The following TMEM117 variants were observed in gnomAD, a reference collection of about 807,000 sequenced individuals.
TMEM117 encodes transmembrane protein 117.
In TMEM117, 27 loss-of-function variants were observed where a neutral mutation model predicts 52.4. The ratio of observed to expected loss-of-function variants is 0.51; its 90% CI spans 0.38 to 0.71. The LOEUF is 0.71. Ranked by LOEUF, TMEM117 falls within the 30% of genes least tolerant of loss-of-function variation. TMEM117 has a pLI of 0.00. For missense variants in TMEM117, 556 were observed against 630.5 expected, an observed-to-expected ratio of 0.88 and a Z score of 1.26; for synonymous variants, 215 against 206.3, an observed-to-expected ratio of 1.04 and a Z score of -0.36.
At chr12:44,131,872 C>CT (rs1948419001) in intron 3 of TMEM117, among the ~76,000 whole-genome samples, 1 of 152,074 alleles carries the variant, frequency 6.6e-6, no homozygotes, top group African/African-American at 2.4e-5. Context: ...TGAATTTTTA[C>CT]TTTGCAGGTC....
chr12:44,276,568 A>T (rs999353957), intron 5 of TMEM117, among the ~76,000 whole-genome samples: 1 of 152,090 alleles, frequency 6.6e-6, no homozygotes, highest in African/African-American at 2.4e-5. Flanking sequence ...GATCTACTGT[A>T]TACCATGGTA....
intron 2 of TMEM117, among the ~76,000 whole-genome samples, chr12:43,906,622 A>G (rs1944393718): frequency 6.6e-6 from 1 of 152,234 alleles, no homozygotes; most frequent in Admixed American, 6.5e-5. Context: ...CAGTGGGCGC[A>G]GGTCAGTGGG....
At chr12:44,263,233 CA>C (rs927680510) in intron 5 of TMEM117, among the ~76,000 whole-genome samples, 3 of 151,468 alleles carry the variant, frequency 2.0e-5, no homozygotes, top group African/African-American at 7.3e-5. Flanking sequence ...TTAATGTGGT[CA>C]AAAAACATAT....
chr12:44,015,952 C>CA (rs1946367231), intron 3 of TMEM117, among the ~76,000 whole-genome samples: 1 of 152,076 alleles, frequency 6.6e-6, no homozygotes, highest in African/African-American at 2.4e-5. Flanking sequence ...GGCTTAATTA[C>CA]AAAAACCCAC....
rs565793455 is a variant in TMEM117 at position 44,072,216 on chromosome 12, A to C, written c.411-71309A>C. On this transcript the variant is annotated intron_variant, in intron 3 of 7. Coordinates refer to ENST00000266534, the MANE Select transcript of TMEM117 (RefSeq NM_032256.3). The stretch of plus-strand genomic sequence containing the variant: ...TTCTTGGTAATAATAGAGAAACAAC[A>C]AAAAAAAAAATTAAGAGGCAACATA... Among the ~76,000 whole-genome samples, 61 of 123,328 alleles carry C rather than the reference A, an allele frequency of 4.9e-4. 1 individual carries two copies. In the South Asian group the frequency reaches 0.015, roughly 31 times the overall value. The allele number at this position is 123,328 out of a possible 152,430, so 80.9% of individuals were successfully genotyped here.
intron 3 of TMEM117, among the ~76,000 whole-genome samples, chr12:44,137,476 C>G (rs369224237): frequency 1.8e-4 from 28 of 152,116 alleles, no homozygotes; most frequent in African/African-American, 6.3e-4. Flanking sequence ...AATGAAGATG[C>G]CTTGCAGAGT....
At chr12:43,872,222 C>G (rs1316987327) in intron 2 of TMEM117, among the ~76,000 whole-genome samples, 1 of 152,220 alleles carries the variant, frequency 6.6e-6, no homozygotes, top group East Asian at 1.9e-4. Context: ...ATCTTCAGAA[C>G]TACCTGCTAC....
At chr12:43,936,106 T>C (rs1247329102) in intron 2 of TMEM117, among the ~76,000 whole-genome samples, 2 of 152,140 alleles carry the variant, frequency 1.3e-5, no homozygotes, top group Non-Finnish European at 2.9e-5. Context: ...GGTGACTTGA[T>C]TTGACCACAT....
At chr12:43,864,278 G>A (rs764370470) in intron 2 of TMEM117, among the ~76,000 whole-genome samples, 1 of 152,260 alleles carries the variant, frequency 6.6e-6, no homozygotes, top group Non-Finnish European at 1.5e-5. Flanking sequence ...GGGCTGAGGA[G>A]TGCAGGCACA....
At chr12:43,843,394 G>T (rs552415185) in intron 1 of TMEM117, among the ~76,000 whole-genome samples, 1 of 152,284 alleles carries the variant, frequency 6.6e-6, no homozygotes, top group East Asian at 1.9e-4. Flanking sequence ...ACAAGCCCTG[G>T]TGGACCCAGA....
Position 44,211,284 on chromosome 12 carries a change from C to G in TMEM117, c.511-6C>G, listed in dbSNP as rs1949642013. On this transcript the variant is annotated splice_polypyrimidine_tract_variant and splice_region_variant and intron_variant, in intron 4 of 7. Transcript: ENST00000266534. ...AGTGCTGAATAAGTTCCTTTCATTG[C>G]TTCAGGTCACTGATATGATGCTTCA... The G allele has an allele frequency of 1.9e-6, 3 of 1,598,884 alleles. No individual in the cohort carries two copies. The South Asian group carries it at 3.3e-5, about 18-fold the overall frequency.
At chr12:43,982,837 T>C (rs1306006860) in intron 3 of TMEM117, among the ~76,000 whole-genome samples, 2 of 152,192 alleles carry the variant, frequency 1.3e-5, no homozygotes, top group Non-Finnish European at 2.9e-5. Flanking sequence ...ATCAAAGACT[T>C]GAGCTATACA....
At chr12:43,928,368 A>C (rs962915560) in intron 2 of TMEM117, among the ~76,000 whole-genome samples, 4 of 151,956 alleles carry the variant, frequency 2.6e-5, no homozygotes, top group African/African-American at 9.7e-5. Flanking sequence ...TGCCTCAGAT[A>C]TGTCTTCTGA....
chr12:44,081,464 G>A (rs1947480115), intron 3 of TMEM117, among the ~76,000 whole-genome samples: 1 of 151,996 alleles, frequency 6.6e-6, no homozygotes, highest in Non-Finnish European at 1.5e-5. Context: ...AAACATATAT[G>A]CAAATCTCTA....
At chr12:43,945,945 A>G (rs2137620593) in intron 3 of TMEM117, among the ~76,000 whole-genome samples, 1 of 152,318 alleles carries the variant, frequency 6.6e-6, no homozygotes, top group Admixed American at 6.5e-5. Context: ...ACTAAAGGAG[A>G]TGAATAGCAA....
At chr12:44,034,579 A>G (rs2137878572) in intron 3 of TMEM117, among the ~76,000 whole-genome samples, 1 of 152,328 alleles carries the variant, frequency 6.6e-6, no homozygotes, top group Non-Finnish European at 1.5e-5. Flanking sequence ...CTATTTTTAG[A>G]TTGCAGTCTT....
chr12:44,348,455 C>A (rs1357308799), intron 6 of TMEM117, among the ~76,000 whole-genome samples: 1 of 151,800 alleles, frequency 6.6e-6, no homozygotes, highest in Non-Finnish European at 1.5e-5. Flanking sequence ...TACCAATACC[C>A]CCTAGTCCAA....
chr12:44,320,214 T>C (rs1428941853), intron 6 of TMEM117, among the ~76,000 whole-genome samples: 3 of 152,214 alleles, frequency 2.0e-5, no homozygotes, highest in Non-Finnish European at 4.4e-5. Context: ...TCTTTCCTAC[T>C]TATCTTCCAG....
At chr12:44,308,403 T>C (rs186402684) in intron 6 of TMEM117, among the ~76,000 whole-genome samples, 55 of 152,268 alleles carry the variant, frequency 3.6e-4, no homozygotes, top group African/African-American at 1.1e-3. Context: ...TGTGTCAAGG[T>C]TGGCCCTGGA....
Sources: gnomAD v4.1 joint callset for allele counts (sites outside exome capture counted in the v4.1 genomes callset) on GRCh38, gnomAD v4.1.1 for gene constraint, MANE v1.5 for transcripts, NCBI Gene and HGNC (gene_info 2026-07-23, HGNC 2026-07-21) for gene names.